CSMD3: variants seen among roughly 807,000 people sequenced by gnomAD.
CSMD3 encodes CUB and sushi domain-containing protein 3.
In CSMD3, 177 loss-of-function variants were observed where a neutral mutation model predicts 435.2. The ratio of observed to expected loss-of-function variants is 0.41; its 90% CI spans 0.36 to 0.46. The LOEUF is 0.46. Ranked by LOEUF, CSMD3 falls within the 20% of genes least tolerant of loss-of-function variation. The probability of loss-of-function intolerance (pLI) is 0.34; values close to 1 mark genes in which losing one functional copy is unlikely to be tolerated. For synonymous variants in CSMD3, 1,656 were observed against 1,520.5 expected, an observed-to-expected ratio of 1.09 and a Z score of -2.07; for missense variants, 4,265 against 4,504.6, an observed-to-expected ratio of 0.95 and a Z score of 1.52.
intron 27 of CSMD3, among the ~76,000 whole-genome samples, chr8:112,539,618 T>C (rs1435224093): frequency 6.6e-6 from 1 of 151,982 alleles, no homozygotes. Flanking sequence ...AATAAATCCA[T>C]ACATCTACAG....
At chr8:112,479,208 T>A (rs553508663) in intron 31 of CSMD3, among the ~76,000 whole-genome samples, 1 of 152,068 alleles carries the variant, frequency 6.6e-6, no homozygotes. Context: ...TTTCAAAGTG[T>A]TGGAGAAGAA....
intron 1 of CSMD3, among the ~76,000 whole-genome samples, chr8:113,341,956 C>T (rs1452592168): frequency 6.6e-6 from 1 of 151,928 alleles, no homozygotes; most frequent in Non-Finnish European, 1.5e-5. Flanking sequence ...TATAATGTAA[C>T]CTCTTTGTAT....
intron 22 of CSMD3, among the ~76,000 whole-genome samples, chr8:112,626,760 A>G (rs1325082910): frequency 2.0e-5 from 3 of 152,168 alleles, no homozygotes; most frequent in Non-Finnish European, 2.9e-5. Context: ...GCCAAATGAT[A>G]GTATTTCCTG....
In CSMD3 at chr8:113,019,127, T is replaced by C. The variant is rs1319307677; in HGVS notation, c.970A>G (p.Arg324Gly). 1 of 1,613,884 alleles carries C rather than the reference T, an allele frequency of 6.2e-7. No individual in the cohort carries two copies. Among genetic ancestry groups the C allele is most frequent in the Non-Finnish European group, 8.5e-7 (1 of 1,179,822 alleles). ...PPIISNKNWL[R>G]LHFVTDSNHR... The stretch of plus-strand genomic sequence containing the variant: ...TTGCTGTCTGTAACAAAATGCAGTC[T>C]GAGCCAGTTTTTGTTGCTGATAATT... The change falls in exon 6 of 71, where the codon AGA becomes GGA. Residue 324 changes from arginine to glycine, a missense_variant. Physicochemically the swap from Arg to Gly is moderately radical, Grantham distance 125. Around this residue, in one of 3 missense-constraint regions of CSMD3, gnomAD observed 731 missense variants for 755.4 expected, o/e 0.97. Transcript: ENST00000297405.
intron 6 of CSMD3, among the ~76,000 whole-genome samples, chr8:112,993,700 A>G (rs1587844936): frequency 6.6e-6 from 1 of 151,788 alleles, no homozygotes; most frequent in Non-Finnish European, 1.5e-5. Flanking sequence ...TTTTAAAAGG[A>G]GCATAATAGA....
intron 12 of CSMD3, among the ~76,000 whole-genome samples, chr8:112,806,343 C>T (rs1327432348): frequency 6.6e-6 from 1 of 152,148 alleles, no homozygotes; most frequent in Admixed American, 6.5e-5. Flanking sequence ...GAATAGATGA[C>T]ACATTAATAA....
intron 32 of CSMD3, among the ~76,000 whole-genome samples, chr8:112,415,821 G>A (rs1352447226): frequency 6.6e-6 from 1 of 152,166 alleles, no homozygotes; most frequent in Non-Finnish European, 1.5e-5. Flanking sequence ...CTGCTCTATT[G>A]GATTTTGGAC....
At chr8:112,883,799 G>A (rs2081514097) in intron 10 of CSMD3, among the ~76,000 whole-genome samples, 1 of 151,778 alleles carries the variant, frequency 6.6e-6, no homozygotes, top group Non-Finnish European at 1.5e-5. Flanking sequence ...TCATATGTCT[G>A]TTTAGTCTCC....
rs2130386101 is a variant in CSMD3, at chr8:112,263,795, G to A, written c.9706C>T (p.Pro3236Ser). Residue 3236 changes from proline (P) to serine (S), a missense_variant, in exon 61 of 71, where the codon CCT (proline) becomes TCT (serine). Around this residue, in one of 3 missense-constraint regions of CSMD3, gnomAD observed 3,255 missense variants for 3,380.2 expected, o/e 0.96. Transcript: ENST00000297405. ...AGCCTTCCATTAGAGATCTGGGGAG[G>A]AGTTGGGCAGGTAACAGCTGCAATT... ...PTCRAVTCPT[P>S]PQISNGRLEG... 1 of 1,613,800 alleles carries A rather than the reference G, an allele frequency of 6.2e-7. No individual in the cohort carries two copies. Among genetic ancestry groups the A allele is most frequent in the South Asian group, 1.1e-5 (1 of 91,078 alleles).
chr8:112,818,613 T>G (rs2079443838), intron 12 of CSMD3, among the ~76,000 whole-genome samples: 1 of 152,328 alleles, frequency 6.6e-6, no homozygotes, highest in South Asian at 2.1e-4. Flanking sequence ...TTTGAAAATT[T>G]ACCATGCCCT....
intron 54 of CSMD3, among the ~76,000 whole-genome samples, chr8:112,294,654 C>T (rs1820091509): frequency 6.6e-6 from 1 of 151,902 alleles, no homozygotes; most frequent in Non-Finnish European, 1.5e-5. Flanking sequence ...GGAAGAGATC[C>T]ATTAAAACCA....
chr8:113,076,255 A>G (rs1425937938), intron 5 of CSMD3, among the ~76,000 whole-genome samples: 1 of 151,652 alleles, frequency 6.6e-6, no homozygotes, highest in Non-Finnish European at 1.5e-5. Flanking sequence ...CATAGACACA[A>G]TTATCCTTTT....
rs199556647 is a variant in CSMD3, at chr8:112,503,999, C to G, written c.4896-22G>C. 2.8e-6 allele frequency: 4 copies of G among 1,445,744 alleles called. No homozygotes were observed. The East Asian group carries it at 9.1e-5, about 33-fold the overall frequency. The allele number at this position is 1,445,744 out of a possible 1,614,324, so 89.6% of individuals were successfully genotyped here. ...AAAACTGAAAAAAAAAAGGAAAGAA[C>G]AAAAGAAAGAAAGAGAAGTAGGATA... is the stretch of plus-strand genomic sequence containing the variant. On this transcript the variant is annotated intron_variant, in intron 29 of 70. Coordinates refer to ENST00000297405, the MANE Select transcript of CSMD3 (RefSeq NM_198123.2).
At chr8:112,914,719 AT>A (rs141184894) in intron 10 of CSMD3, among the ~76,000 whole-genome samples, 5,100 of 151,566 alleles carry the variant, frequency 0.034, 144 homozygotes, top group Middle Eastern at 0.051. Flanking sequence ...AGGTTTCATC[AT>A]TTTTCCCTTT....
chr8:113,202,431 T>C (rs974332592), intron 3 of CSMD3, among the ~76,000 whole-genome samples: 1 of 152,030 alleles, frequency 6.6e-6, no homozygotes, highest in African/African-American at 2.4e-5. Context: ...TACTTGCAAG[T>C]GAGAAGGAAC....
intron 39 of CSMD3, among the ~76,000 whole-genome samples, chr8:112,351,484 T>C (rs1586848880): frequency 1.3e-5 from 2 of 152,104 alleles, no homozygotes; most frequent in South Asian, 4.1e-4. Context: ...CATATCATAT[T>C]AGAATTGCGG....
chr8:112,728,706 A>C (rs1467484191), intron 13 of CSMD3, among the ~76,000 whole-genome samples: 1 of 152,022 alleles, frequency 6.6e-6, no homozygotes, highest in Non-Finnish European at 1.5e-5. Context: ...CCATTGAGGA[A>C]TGGGGAGTAA....
At chr8:112,672,373 G>A (rs1372508444) in intron 16 of CSMD3, among the ~76,000 whole-genome samples, 1 of 152,090 alleles carries the variant, frequency 6.6e-6, no homozygotes, top group East Asian at 1.9e-4. Flanking sequence ...CTGGTTACCT[G>A]CAGTTATTAT....
intron 11 of CSMD3, among the ~76,000 whole-genome samples, chr8:112,840,260 G>A (rs1587446801): frequency 6.6e-6 from 1 of 151,608 alleles, no homozygotes; most frequent in African/African-American, 2.4e-5. Context: ...ATTTTGATAG[G>A]GATTTTGTAG....
Sources: gnomAD v4.1 joint callset for allele counts (sites outside exome capture counted in the v4.1 genomes callset) on GRCh38, gnomAD v4.1.1 for gene constraint, gnomAD v4.1.1 regional missense constraint, MANE v1.5 for transcripts, NCBI Gene and HGNC (gene_info 2026-07-23, HGNC 2026-07-21) for gene names.